The following NAA60 variants were observed in gnomAD, a reference collection of about 807,000 sequenced individuals.
NAA60 encodes the protein N-alpha-acetyltransferase 60, NatF catalytic subunit, also known as N-alpha-acetyltransferase 60.
In NAA60, 8 loss-of-function variants were observed where a neutral mutation model predicts 26.1. The observed-to-expected ratio is 0.31, with a 90% confidence interval of 0.18 to 0.55. NAA60 has a LOEUF of 0.55. Ranked by LOEUF, NAA60 falls within the 20% of genes least tolerant of loss-of-function variation. The probability of loss-of-function intolerance (pLI) is 0.93; values close to 1 mark genes in which losing one functional copy is unlikely to be tolerated. For synonymous variants in NAA60, 131 were observed against 122.5 expected (o/e 1.07, Z -0.46); for missense variants, 290 against 311.3 (o/e 0.93, Z 0.51).
At chr16:3,462,538 A>C (rs972849219) in intron 2 of NAA60, 2 of 152,084 alleles carry the variant, frequency 1.3e-5, no homozygotes, top group African/African-American at 4.8e-5. Flanking sequence ...TTAGTTTCAG[A>C]TTACTTTGCA....
At chr16:3,460,715 G>A (rs1212185869) in intron 2 of NAA60, among the ~76,000 whole-genome samples, 4 of 152,156 alleles carry the variant, frequency 2.6e-5, no homozygotes, top group Admixed American at 2.6e-4. Context: ...AAGCAAGGCT[G>A]GGGTGTGGAC....
chr16:3,476,625 A>G (rs79561652), intron 3 of NAA60, among the ~76,000 whole-genome samples: 9,344 of 152,260 alleles, frequency 0.061, 382 homozygotes, highest in Middle Eastern at 0.085. Flanking sequence ...TTTAGAAGCC[A>G]CTCAAGTATC....
At chr16:3,457,226 A>C (rs1280985993) in intron 2 of NAA60, among the ~76,000 whole-genome samples, 1 of 152,178 alleles carries the variant, frequency 6.6e-6, no homozygotes, top group Non-Finnish European at 1.5e-5. Flanking sequence ...CGGGCAGATC[A>C]CTTGAGGCCA....
At chr16:3,454,771 T>C (rs1040604025) in intron 2 of NAA60, among the ~76,000 whole-genome samples, 1 of 152,154 alleles carries the variant, frequency 6.6e-6, no homozygotes, top group Non-Finnish European at 1.5e-5. Context: ...GCAGGGGTCC[T>C]CTGAACTCAT....
intron 2 of NAA60, among the ~76,000 whole-genome samples, chr16:3,449,666 C>G (rs1231651848): frequency 6.6e-6 from 1 of 152,190 alleles, no homozygotes; most frequent in East Asian, 1.9e-4. Flanking sequence ...GCCTGGGTGA[C>G]AGAGCGAGAC....
At chr16:3,464,247 A>G (rs1279102573) in intron 2 of NAA60, among the ~76,000 whole-genome samples, 1 of 152,156 alleles carries the variant, frequency 6.6e-6, no homozygotes, top group Admixed American at 6.5e-5. Context: ...TCCTGACCTC[A>G]AGTGATCTGC....
At chr16:3,455,317 C>A (rs1181007838) in intron 2 of NAA60, among the ~76,000 whole-genome samples, 2 of 151,942 alleles carry the variant, frequency 1.3e-5, no homozygotes, top group Non-Finnish European at 2.9e-5. Context: ...GTGATCCACC[C>A]GCGTCAGCCT....
Position 3,448,553 on chromosome 16 carries a change from G to T in NAA60, c.-7+13G>T, listed in dbSNP as rs771314907. ...AGAGCTCCAGAGAGTGAGTCAAAGC[G>T]CTCTGTGTCCTGCTATTAATGATGC... is the stretch of plus-strand genomic sequence containing the variant. On this transcript the variant is annotated intron_variant, in intron 2 of 7. Transcript: ENST00000407558. 9.8e-6 allele frequency: 15 copies of T among 1,533,446 alleles called. No individual in the cohort carries two copies. The African/African-American group carries it at 1.4e-4, about 14-fold the overall frequency. The allele number at this position is 1,533,446 out of a possible 1,614,324, so 95.0% of individuals were successfully genotyped here.
intron 3 of NAA60, among the ~76,000 whole-genome samples, chr16:3,477,847 C>T (rs997043678): frequency 1.3e-5 from 2 of 151,920 alleles, no homozygotes; most frequent in Middle Eastern, 3.4e-3. Context: ...GGGTGGATCA[C>T]GAAGTCAGGA....
At chr16:3,448,579 C>T (rs80317488) in intron 2 of NAA60, 39 bp downstream of exon 2, 2 of 1,490,986 alleles carry the variant, frequency 1.3e-6, no homozygotes, top group Non-Finnish European at 9.0e-7. Flanking sequence ...TTAATGATGC[C>T]CTCATAGTCA....
In NAA60 at chr16:3,468,402, G is replaced by C. The variant is rs545817223; in HGVS notation, c.-6-7820G>C. ...ATTGGCCTTAGGTTCCCTGCCTCCA[G>C]ACCCTATTCTCCTGCCTCACAGTGA... On this transcript the variant is annotated intron_variant, in intron 2 of 7. Coordinates refer to ENST00000407558, the MANE Select transcript of NAA60 (RefSeq NM_001083601.3). Among the ~76,000 whole-genome samples the C allele has an allele frequency of 7.9e-5, 12 of 152,302 alleles. No homozygotes were observed. The South Asian group carries it at 2.5e-3, about 32-fold the overall frequency.
intron 2 of NAA60, among the ~76,000 whole-genome samples, chr16:3,449,642 A>G (rs1414519086): frequency 1.3e-5 from 2 of 152,140 alleles, no homozygotes; most frequent in Non-Finnish European, 2.9e-5. Flanking sequence ...CTGAGATCGC[A>G]CCACTGCACT....
chr16:3,483,404 A>C lies in NAA60; in HGVS notation c.379A>C (p.Thr127Pro). The change falls in exon 6 of 8, where the codon ACC becomes CCC. Residue 127 changes from threonine (T) to proline (P), a missense_variant. Transcript: ENST00000407558. ...AAGTTTAAAGGATCACATATCAACC[A>C]CCGCCCAGGACCACTGCAAAGCCAT... is the stretch of plus-strand genomic sequence containing the variant. Reference protein sequence around the residue: ...LESLKDHISTTAQDHCKAIYL... With the variant: ...LESLKDHISTPAQDHCKAIYL... 2 of 1,613,512 alleles carry C rather than the reference A, an allele frequency of 1.2e-6. No individual in the cohort carries two copies. Among genetic ancestry groups the C allele is most frequent in the Non-Finnish European group, 1.7e-6 (2 of 1,179,728 alleles).
chr16:3,478,722 A>C (rs1330954390), intron 3 of NAA60, among the ~76,000 whole-genome samples: 1 of 152,108 alleles, frequency 6.6e-6, no homozygotes, highest in Non-Finnish European at 1.5e-5. Context: ...AAGGCATTGT[A>C]AACTCAAACG....
chr16:3,470,244 C>G (rs907503746), intron 2 of NAA60, among the ~76,000 whole-genome samples: 5 of 152,212 alleles, frequency 3.3e-5, no homozygotes, highest in Non-Finnish European at 7.4e-5. Flanking sequence ...TGCACTGCCC[C>G]CAGCAGACAA....
chr16:3,458,719 CTAGTCT>C (rs1279252371), intron 2 of NAA60, among the ~76,000 whole-genome samples: 1 of 152,172 alleles, frequency 6.6e-6, no homozygotes, highest in African/African-American at 2.4e-5. Context: ...AGGTCTCCTC[CTAGTCT>C]TATTCTCCCA....
At chr16:3,457,281 T>TACAAAAAA (rs2035040402) in intron 2 of NAA60, among the ~76,000 whole-genome samples, 1 of 151,234 alleles carries the variant, frequency 6.6e-6, no homozygotes, top group Admixed American at 6.6e-5. Flanking sequence ...TTCCCATCCC[T>TACAAAAAA]ACAAAAAAAC....
At chr16:3,469,085 CAA>C (rs57070540) in intron 2 of NAA60, among the ~76,000 whole-genome samples, 12 of 129,116 alleles carry the variant, frequency 9.3e-5, no homozygotes, top group Admixed American at 1.6e-4. Flanking sequence ...GACAACATCT[CAA>C]AAAAAAAAAA....
chr16:3,476,159 A>T, intron 2 of NAA60, 63 bp from the exon 3 acceptor site: 2 of 1,324,154 alleles, frequency 1.5e-6, no homozygotes, highest in Non-Finnish European at 2.1e-6. Context: ...CGCCTGCCTC[A>T]CAAGCTGAGC....
Sources: gnomAD v4.1 joint callset for allele counts (sites outside exome capture counted in the v4.1 genomes callset) on GRCh38, gnomAD v4.1.1 for gene constraint, MANE v1.5 for transcripts, NCBI Gene and HGNC (gene_info 2026-07-23, HGNC 2026-07-21) for gene names.